The following CDCA7 variants were observed in gnomAD, a reference collection of about 807,000 sequenced individuals.
The protein encoded by CDCA7 is cell division cycle associated 7, also known as cell division cycle-associated protein 7.
CDCA7 carries 28 observed loss-of-function variants against 54.0 expected under a neutral mutation model. That is an observed-to-expected ratio of 0.52 (90% CI 0.38 to 0.71). The LOEUF is 0.71. CDCA7 is among the 30% of genes least tolerant of loss of function. CDCA7 has a pLI of 0.00. For missense variants in CDCA7, 484 were observed against 586.0 expected (o/e 0.83, Z 1.80); for synonymous variants, 180 against 208.2 (o/e 0.86, Z 1.16).
Position 173,363,940 on chromosome 2 carries a change from C to T in CDCA7, c.699+45C>T, listed in dbSNP as rs770201743. 4.6e-6 allele frequency: 7 copies of T among 1,515,150 alleles called. No homozygotes were observed. The South Asian group carries it at 5.7e-5, about 12-fold the overall frequency. 93.9% of individuals were successfully genotyped at this position (1,515,150 alleles called of 1,614,324 possible). ...TATATACAGTAGTGTTTTGGGCACA[C>T]CTAAGGTCGATCTGTGTTGTATTTA... On this transcript the variant is annotated intron_variant, in intron 5 of 9. Transcript: ENST00000306721.
At chr2:173,360,871 T>G (rs1454956871) in intron 3 of CDCA7, among the ~76,000 whole-genome samples, 1 of 152,088 alleles carries the variant, frequency 6.6e-6, no homozygotes, top group Non-Finnish European at 1.5e-5. Flanking sequence ...TTTTTTAACC[T>G]GCAACCATTA....
At chr2:173,364,754 A>G in intron 5 of CDCA7, 41 bp from the exon 6 acceptor site, 2 of 1,553,346 alleles carry the variant, frequency 1.3e-6, no homozygotes, top group Admixed American at 2.3e-5. Flanking sequence ...ACTTCTCTTT[A>G]TTATGGAATA....
intron 8 of CDCA7, 59 bp from the exon 9 acceptor site, chr2:173,367,091 T>C (rs1352519956): frequency 7.8e-6 from 12 of 1,529,704 alleles, no homozygotes; most frequent in Non-Finnish European, 1.1e-5. Context: ...GTAATGTAGA[T>C]AAGTTGGTGG....
At position 173,366,348 on chromosome 2, in the gene CDCA7, C is replaced by G. The variant is rs758044788; in HGVS notation, c.1101C>G (p.Asp367Glu). 6 of 1,613,980 alleles carry G rather than the reference C, an allele frequency of 3.7e-6. No individual in the cohort carries two copies. The highest frequency in any genetic ancestry group is 5.1e-6 in the Non-Finnish European group (6 of 1,179,994). ...IDTKTNCRNP[D>E]CWGVRGQFCG... ...CCAAAACAAACTGCAGAAACCCAGA[C>G]TGCTGGGGCGTTCGAGGCCAGTTCT... Residue 367 changes from aspartate (D) to glutamate (E), a missense_variant, in exon 8 of 10, where the codon GAC becomes GAG. This residue lies in a region of CDCA7 where 83 missense variants were observed against 122.3 expected (regional missense o/e 0.68). Coordinates refer to ENST00000306721, the MANE Select transcript of CDCA7 (RefSeq NM_031942.5). This position sits in a 1 kb window ranked among gnomAD's most constrained non-coding sequence, Gnocchi z 4.5.
At chr2:173,363,757 T>A (rs1686666949) in intron 4 of CDCA7, 61 bp from the exon 5 acceptor site, 1 of 1,487,162 alleles carries the variant, frequency 6.7e-7, no homozygotes. Context: ...CAGAAGTTAG[T>A]TGCTCATTTT....
rs754028322 is a variant in CDCA7 at position 173,363,304 on chromosome 2, T to C, written c.463T>C (p.Phe155Leu). The C allele has an allele frequency of 1.5e-5, 25 of 1,614,116 alleles. No individual in the cohort carries two copies. Among genetic ancestry groups the C allele is most frequent in the Non-Finnish European group, 1.9e-5 (23 of 1,180,030 alleles). ...TGGACCTCTCAGGGTGGCGATGAAG[T>C]TTCCAGCGCGGAGTACCAGGGGAGC... ...HSGPLRVAMK[F>L]PARSTRGATN... is the part of the protein sequence containing the mutation. The change falls in exon 4 of 10, where the codon TTT becomes CTT. Residue 155 changes from phenylalanine to leucine, a missense_variant. Around this residue, in one of 3 missense-constraint regions of CDCA7, gnomAD observed 398 missense variants for 447.4 expected, o/e 0.89. Transcript: ENST00000306721.
chr2:173,367,391 G>A, intron 9 of CDCA7, 105 bp downstream of exon 9: 3 of 1,528,750 alleles, frequency 2.0e-6, no homozygotes, highest in Non-Finnish European at 2.7e-6. Context: ...TGGCGGGGTG[G>A]AGACTGACTG....
Position 173,367,776 on chromosome 2 carries a change from A to T in CDCA7, c.*112A>T. On this transcript the variant is annotated 3_prime_UTR_variant, in exon 10 of 10. Coordinates refer to ENST00000306721, the MANE Select transcript of CDCA7 (RefSeq NM_031942.5). ...ATCTTGATGATCAGCCTGTTTCATA[A>T]GAAACTCCAATCAAGTTAATCTTAG... 1 of 1,105,050 alleles carries T rather than the reference A, an allele frequency of 9.0e-7. No homozygotes were observed. The highest frequency in any genetic ancestry group is 1.3e-5 in the South Asian group (1 of 79,434). The allele number at this position is 1,105,050 out of a possible 1,614,324, so 68.5% of individuals were successfully genotyped here.
Position 173,363,895 on chromosome 2 carries a change from A to T in CDCA7, c.699A>T (p.Ser233=). ...RGRHPLPGSD[S]QSRRPRRRTF... ...GACATCCCCTCCCAGGCTCCGACTC[A>T]GTAAGTACCAGTTCTTGTTTATATA... The change falls in exon 5 of 10, where the codon TCA becomes TCT. Residue 233 remains serine (S), a splice_region_variant and synonymous_variant. Transcript: ENST00000306721. The T allele has an allele frequency of 6.2e-7, 1 of 1,613,926 alleles. No individual in the cohort carries two copies. The highest frequency in any genetic ancestry group is 2.2e-5 in the East Asian group (1 of 44,888).
chr2:173,359,018 A>G (rs1686567805), intron 2 of CDCA7, among the ~76,000 whole-genome samples, 181 bp downstream of exon 2: 1 of 152,212 alleles, frequency 6.6e-6, no homozygotes, highest in Non-Finnish European at 1.5e-5. Context: ...TAATTGTTGG[A>G]GGTAGATTAG....
chr2:173,361,853 G>C (rs1686628590), intron 3 of CDCA7, among the ~76,000 whole-genome samples: 1 of 151,866 alleles, frequency 6.6e-6, no homozygotes, highest in Non-Finnish European at 1.5e-5. Flanking sequence ...TGTAGCCCAG[G>C]CTGGAGTGCA....
rs1181000982 is a variant in CDCA7 at position 173,368,278 on chromosome 2, C to T, written c.*614C>T. 1.3e-5 allele frequency: 2 copies of T among 152,622 alleles called. No homozygotes were observed. The highest frequency in any genetic ancestry group is 2.9e-5 in the Non-Finnish European group (2 of 68,358). The allele number at this position is 152,622 out of a possible 1,614,324, so 9.5% of individuals were successfully genotyped here. The stretch of plus-strand genomic sequence containing the variant: ...GAGACTTAATTTCTCCTAATTTCTT[C>T]TGCCCGAAGGGTAAGTGGTGCGTCC... On this transcript the variant is annotated 3_prime_UTR_variant, in exon 10 of 10. Coordinates refer to ENST00000306721, the MANE Select transcript of CDCA7 (RefSeq NM_031942.5).
chr2:173,359,637 T>C, intron 3 of CDCA7, 146 bp downstream of exon 3: 1 of 661,690 alleles, frequency 1.5e-6, no homozygotes, highest in Non-Finnish European at 2.5e-6. Context: ...GTTTTCTTCA[T>C]GTCTTAAAGC....
Position 173,367,706 on chromosome 2 carries a change from T to G in CDCA7, c.*42T>G, listed in dbSNP as rs138903380. 9.2e-4 allele frequency: 1,489 copies of G among 1,610,358 alleles called. 14 individuals carry two copies. In the African/African-American group the frequency reaches 0.017, roughly 18 times the overall value. On this transcript the variant is annotated 3_prime_UTR_variant, in exon 10 of 10. Coordinates refer to ENST00000306721, the MANE Select transcript of CDCA7 (RefSeq NM_031942.5). ...TGCCTGCCTTCTACTTCTCAAATCT[T>G]TCTTGTAAAAGTTTCCAATTTTTTC...
intron 1 of CDCA7, 63 bp downstream of exon 1, chr2:173,355,047 G>C (rs566320596): frequency 2.3e-5 from 30 of 1,285,680 alleles, no homozygotes; most frequent in Non-Finnish European, 2.6e-5. Flanking sequence ...AGGCGGGCGC[G>C]GGCCGACCCT....
rs1686654818 is a variant in CDCA7, at chr2:173,363,163, T to C, written c.385-63T>C. The C allele has an allele frequency of 4.0e-6, 6 of 1,486,774 alleles. No homozygotes were observed. The Admixed American group carries it at 8.7e-5, about 22-fold the overall frequency. 92.1% of individuals were successfully genotyped at this position (1,486,774 alleles called of 1,614,324 possible). On this transcript the variant is annotated intron_variant, in intron 3 of 9. Coordinates refer to ENST00000306721, the MANE Select transcript of CDCA7 (RefSeq NM_031942.5). ...CAAGTGTCTCATTGAAAAGGGACTT[T>C]GTAGTTATACTGATGCAGCTTGTCT...
chr2:173,358,762 G>T lies in CDCA7; in HGVS notation c.72G>T (p.Lys24Asn). Reference sequence around the variant, plus strand: ...ACTTAAAGAAATTCAGATATGTGAAGTTGATTTCCATGGAAACCTCGTCAT... The same window carrying T: ...ACTTAAAGAAATTCAGATATGTGAATTTGATTTCCATGGAAACCTCGTCAT... Reference protein sequence around the residue: ...KKNLKKFRYVKLISMETSSSS... With the variant: ...KKNLKKFRYVNLISMETSSSS... Residue 24 changes from lysine to asparagine, a missense_variant, in exon 2 of 10, where the codon AAG (lysine) becomes AAT (asparagine). Physicochemically the swap from Lys to Asn is moderately conservative, Grantham distance 94. This residue lies in a region of CDCA7 where 398 missense variants were observed against 447.4 expected (regional missense o/e 0.89). Transcript: ENST00000306721. 1 of 1,614,026 alleles carries T rather than the reference G, an allele frequency of 6.2e-7. No individual in the cohort carries two copies. Among genetic ancestry groups the T allele is most frequent in the Non-Finnish European group, 8.5e-7 (1 of 1,179,984 alleles).
intron 7 of CDCA7, 35 bp downstream of exon 7, chr2:173,365,627 C>T (rs778647398): frequency 1.6e-5 from 26 of 1,606,970 alleles, no homozygotes; most frequent in Non-Finnish European, 8.5e-7. Context: ...AGAATGTAAA[C>T]ATCTGTGAGA....
chr2:173,367,098 G>A, intron 8 of CDCA7, 52 bp from the exon 9 acceptor site: 1 of 1,532,226 alleles, frequency 6.5e-7, no homozygotes, highest in Non-Finnish European at 8.7e-7. Flanking sequence ...AGATAAGTTG[G>A]TGGGGGAGGT....
Sources: gnomAD v4.1 joint callset for allele counts (sites outside exome capture counted in the v4.1 genomes callset) on GRCh38, gnomAD v4.1.1 for gene constraint, gnomAD v4.1.1 regional missense constraint, Gnocchi (gnomAD v3.1) non-coding constraint, MANE v1.5 for transcripts, NCBI Gene and HGNC (gene_info 2026-07-23, HGNC 2026-07-21) for gene names.